SCFD2: variants seen among roughly 807,000 people sequenced by gnomAD.
SCFD2 encodes sec1 family domain-containing protein 2.
A neutral mutation model predicts 58.9 loss-of-function variants in SCFD2; 54 were observed. The ratio of observed to expected loss-of-function variants is 0.92; its 90% CI spans 0.74 to 1.15. The LOEUF (loss-of-function observed/expected upper bound fraction) is 1.15, where lower values mean the gene tolerates loss of function less well. SCFD2 is among the 50% of genes most tolerant of loss of function. The pLI is 0.00. For synonymous variants in SCFD2, 321 were observed against 335.9 expected (o/e 0.96, Z 0.49); for missense variants, 805 against 836.6 (o/e 0.96, Z 0.47).
intron 4 of SCFD2, among the ~76,000 whole-genome samples, chr4:53,221,116 G>A (rs1173780474): frequency 6.6e-6 from 1 of 152,178 alleles, no homozygotes; most frequent in Non-Finnish European, 1.5e-5. Context: ...CACTGTGCTA[G>A]TGCAGTATAT....
intron 3 of SCFD2, among the ~76,000 whole-genome samples, chr4:53,284,977 A>C (rs1232561307): frequency 6.6e-6 from 1 of 152,216 alleles, no homozygotes; most frequent in Non-Finnish European, 1.5e-5. Flanking sequence ...CTACAGCATT[A>C]CAAAGGTAGA....
intron 8 of SCFD2, among the ~76,000 whole-genome samples, chr4:52,881,859 C>T (rs977112214): frequency 2.0e-5 from 3 of 152,208 alleles, no homozygotes; most frequent in African/African-American, 7.2e-5. Flanking sequence ...TCATGAATAT[C>T]CACTAAGTGG....
chr4:52,947,609 C>A (rs991669273), intron 5 of SCFD2, among the ~76,000 whole-genome samples: 1 of 151,792 alleles, frequency 6.6e-6, no homozygotes, highest in Admixed American at 6.6e-5. Context: ...AGCAGAGGGC[C>A]CACAAACAGT....
At chr4:52,895,168 T>A (rs1391480938) in intron 7 of SCFD2, among the ~76,000 whole-genome samples, 1 of 152,024 alleles carries the variant, frequency 6.6e-6, no homozygotes, top group Non-Finnish European at 1.5e-5. Context: ...CTCATGCTCT[T>A]GATCCACCTT....
chr4:52,964,219 C>A (rs963347386), intron 5 of SCFD2, among the ~76,000 whole-genome samples: 2 of 152,160 alleles, frequency 1.3e-5, no homozygotes, highest in African/African-American at 4.8e-5. Context: ...TTATTTTTAT[C>A]TATGCATCAT....
intron 4 of SCFD2, among the ~76,000 whole-genome samples, chr4:53,203,435 G>A (rs768126418): frequency 2.6e-5 from 4 of 151,334 alleles, no homozygotes; most frequent in South Asian, 2.1e-4. Flanking sequence ...TTCAATTTTC[G>A]ATCAAAGAAA....
At chr4:52,954,184 G>C (rs563310158) in intron 5 of SCFD2, among the ~76,000 whole-genome samples, 2 of 152,174 alleles carry the variant, frequency 1.3e-5, no homozygotes, top group Non-Finnish European at 2.9e-5. Context: ...CTTGCTTTCT[G>C]TCACCACAAC....
intron 7 of SCFD2, among the ~76,000 whole-genome samples, chr4:52,895,030 T>C (rs1314964535): frequency 6.6e-6 from 1 of 152,186 alleles, no homozygotes; most frequent in Non-Finnish European, 1.5e-5. Flanking sequence ...GACTTTTCCA[T>C]CCTCTAGATT....
chr4:52,957,014 G>C (rs1254193992), intron 5 of SCFD2: 1 of 152,274 alleles, frequency 6.6e-6, no homozygotes, highest in East Asian at 1.9e-4. Flanking sequence ...TCAATGCTTT[G>C]GGGAACTCAT....
chr4:52,882,279 A>G (rs1718632530), intron 8 of SCFD2, among the ~76,000 whole-genome samples: 1 of 152,178 alleles, frequency 6.6e-6, no homozygotes, highest in Admixed American at 6.5e-5. Context: ...CGTGGGGAAG[A>G]GGGATGAATC....
chr4:52,980,642 CTT>C (rs1323320028), intron 5 of SCFD2, among the ~76,000 whole-genome samples: 1 of 152,168 alleles, frequency 6.6e-6, no homozygotes, highest in Non-Finnish European at 1.5e-5. Flanking sequence ...GCCACAGACA[CTT>C]TTGTATTTCA....
At chr4:53,040,065 C>T (rs1203363577) in intron 5 of SCFD2, among the ~76,000 whole-genome samples, 2 of 152,202 alleles carry the variant, frequency 1.3e-5, no homozygotes, top group East Asian at 1.9e-4. Flanking sequence ...AACAAATCAC[C>T]TCCATCAGCA....
At position 53,097,259 on chromosome 4, in the gene SCFD2, T is replaced by C. The variant is rs539201260; in HGVS notation, c.1561+48074A>G. Among the ~76,000 whole-genome samples, 250 of 152,296 alleles carry C rather than the reference T, an allele frequency of 1.6e-3. 2 individuals are homozygous for C. Among genetic ancestry groups the C allele is most frequent in the Non-Finnish European group, 2.7e-3 (186 of 68,026 alleles). ...TTTTCCAATTCTGTGAAGAAAGGCATTGGTAGCTTGATGGGGATGGCATTG... is the reference window on the plus strand; with the variant it reads ...TTTTCCAATTCTGTGAAGAAAGGCACTGGTAGCTTGATGGGGATGGCATTG... On this transcript the variant is annotated intron_variant, in intron 5 of 8. Coordinates refer to ENST00000401642, the MANE Select transcript of SCFD2 (RefSeq NM_152540.4).
At chr4:52,975,755 A>G (rs961093870) in intron 5 of SCFD2, among the ~76,000 whole-genome samples, 13 of 152,186 alleles carry the variant, frequency 8.5e-5, no homozygotes, top group African/African-American at 3.1e-4. Flanking sequence ...TCACAATAGC[A>G]AAGACTTGGA....
intron 4 of SCFD2, among the ~76,000 whole-genome samples, chr4:53,179,869 G>A (rs934624203): frequency 1.3e-5 from 2 of 152,108 alleles, no homozygotes; most frequent in Non-Finnish European, 2.9e-5. Flanking sequence ...TGATAAAACA[G>A]ACTTTAAACC....
chr4:53,055,023 G>T (rs1368519262), intron 5 of SCFD2, among the ~76,000 whole-genome samples: 2 of 152,094 alleles, frequency 1.3e-5, no homozygotes, highest in East Asian at 3.9e-4. Flanking sequence ...GAAGGAGTTT[G>T]TGTTTGTGAG....
At chr4:53,245,715 A>C (rs1343660944) in intron 4 of SCFD2, among the ~76,000 whole-genome samples, 1 of 152,042 alleles carries the variant, frequency 6.6e-6, no homozygotes, top group Non-Finnish European at 1.5e-5. Context: ...AATAGTAAGG[A>C]CCATCTATGC....
intron 5 of SCFD2, among the ~76,000 whole-genome samples, chr4:52,939,423 A>T (rs1720232546): frequency 1.3e-5 from 2 of 152,196 alleles, no homozygotes; most frequent in African/African-American, 4.8e-5. Flanking sequence ...GAATCTTGTG[A>T]TTATACTATG....
At chr4:52,982,473 T>G (rs1721397993) in intron 5 of SCFD2, among the ~76,000 whole-genome samples, 1 of 152,224 alleles carries the variant, frequency 6.6e-6, no homozygotes, top group South Asian at 2.1e-4. Context: ...TTACAGCTAT[T>G]ACTGATGACC....
Sources: allele counts gnomAD v4.1 joint callset (sites outside exome capture counted in the v4.1 genomes callset), GRCh38; gene constraint gnomAD v4.1.1; transcripts MANE v1.5; gene names NCBI Gene and HGNC (gene_info 2026-07-23, HGNC 2026-07-21).